The following YEATS4 variants were observed in gnomAD, a reference collection of about 807,000 sequenced individuals.
YEATS4 encodes the protein YEATS domain-containing protein 4.
Under a neutral mutation model 30.1 loss-of-function variants are expected in YEATS4, and 17 were observed. That is an observed-to-expected ratio of 0.56 (90% CI 0.39 to 0.85). The LOEUF (loss-of-function observed/expected upper bound fraction) is 0.85, where lower values mean the gene tolerates loss of function less well. Among genes scored for constraint, YEATS4 ranks in the 40% least tolerant of loss-of-function variants. YEATS4 has a pLI of 0.00. For synonymous variants in YEATS4, 85 were observed against 87.5 expected (o/e 0.97, Z 0.16); for missense variants, 142 against 268.3 (o/e 0.53, Z 3.29).
chr12:69,375,000 C>T (rs1231537543), intron 6 of YEATS4, among the ~76,000 whole-genome samples: 12 of 73,308 alleles, frequency 1.6e-4, no homozygotes, highest in South Asian at 3.0e-4. Flanking sequence ...GGCGGCCGGG[C>T]GGGGGCTGCC....
intron 6 of YEATS4, among the ~76,000 whole-genome samples, chr12:69,389,156 A>ATAT (rs1156959085): frequency 6.6e-6 from 1 of 152,102 alleles, no homozygotes; most frequent in Non-Finnish European, 1.5e-5. Context: ...TTTTGTTTAT[A>ATAT]AGTTTCACCT....
intron 6 of YEATS4, among the ~76,000 whole-genome samples, chr12:69,377,009 C>A (rs1875899399): frequency 6.6e-6 from 1 of 152,174 alleles, no homozygotes; most frequent in Non-Finnish European, 1.5e-5. Flanking sequence ...ATAGTGGCCA[C>A]TAATGATCCT....
chr12:69,389,585 C>T (rs1490856188), intron 6 of YEATS4, among the ~76,000 whole-genome samples: 3 of 143,194 alleles, frequency 2.1e-5, no homozygotes, highest in African/African-American at 5.3e-5. Flanking sequence ...GTCATCTCAG[C>T]TCACTGCAAC....
the YEATS4 span, among the ~76,000 whole-genome samples, chr12:69,417,151 A>T: frequency 0.022 from 2,776 of 123,404 alleles, 55 homozygotes; most frequent in African/African-American, 0.035. Context: ...ACATTTTTTA[A>T]AAATTTTTTT....
At chr12:69,402,858 G>A in the YEATS4 span, among the ~76,000 whole-genome samples, 4 of 151,514 alleles carry the variant, frequency 2.6e-5, no homozygotes, top group African/African-American at 9.7e-5. Flanking sequence ...GAGTAGCTGG[G>A]ATTACAGGCA....
At chr12:69,415,438 G>A in the YEATS4 span, among the ~76,000 whole-genome samples, 1 of 152,138 alleles carries the variant, frequency 6.6e-6, no homozygotes, top group African/African-American at 2.4e-5. Flanking sequence ...AGCCGAGTAT[G>A]GTGGTGGGCA....
At chr12:69,413,509 C>CG in the YEATS4 span, among the ~76,000 whole-genome samples, 2 of 75,748 alleles carry the variant, frequency 2.6e-5, no homozygotes, top group Non-Finnish European at 5.8e-5. Context: ...GGGTCTTCAA[C>CG]GCCCCCCCCA....
At chr12:69,400,019 G>A in the YEATS4 span, among the ~76,000 whole-genome samples, 1 of 152,064 alleles carries the variant, frequency 6.6e-6, no homozygotes, top group Non-Finnish European at 1.5e-5. Context: ...TTTTTACGTG[G>A]CGGTGATGGA....
the YEATS4 span, among the ~76,000 whole-genome samples, chr12:69,424,695 T>G: frequency 6.6e-6 from 1 of 152,084 alleles, no homozygotes; most frequent in African/African-American, 2.4e-5. Flanking sequence ...TCTTTCCCCT[T>G]CGCTCTCCCT....
chr12:69,399,978 G>A, the YEATS4 span, among the ~76,000 whole-genome samples: 1 of 152,224 alleles, frequency 6.6e-6, no homozygotes, highest in Non-Finnish European at 1.5e-5. Flanking sequence ...GGGTGGGGAA[G>A]GGAGGATGGG....
At position 69,380,782 on chromosome 12, in the gene YEATS4, C is replaced by A. The variant is rs558401049; in HGVS notation, c.515-9365C>A. 5.4e-3 allele frequency among the ~76,000 whole-genome samples: 821 copies of A among 152,140 alleles called. 3 individuals are homozygous for A. Among genetic ancestry groups the A allele is most frequent in the Non-Finnish European group, 8.4e-3 (572 of 68,020 alleles). Reference sequence around the variant, plus strand: ...GTCTGAGAAATAAAGGGACAGAGTACAAAAGAGAGAAATTTTAAAGCTGGG... The same window carrying A: ...GTCTGAGAAATAAAGGGACAGAGTAAAAAAGAGAGAAATTTTAAAGCTGGG... On this transcript the variant is annotated intron_variant, in intron 6 of 6. Transcript: ENST00000247843.
chr12:69,413,858 A>G, the YEATS4 span, among the ~76,000 whole-genome samples: 14 of 149,090 alleles, frequency 9.4e-5, no homozygotes, highest in East Asian at 2.2e-3. Flanking sequence ...TCAAAAAAAA[A>G]AAAAAGAAAA....
the YEATS4 span, among the ~76,000 whole-genome samples, chr12:69,418,708 C>T: frequency 5.3e-5 from 8 of 152,068 alleles, no homozygotes; most frequent in Non-Finnish European, 1.2e-4. Flanking sequence ...TCATACCAAA[C>T]TAAAGCCTAC....
downstream of YEATS4, among the ~76,000 whole-genome samples, chr12:69,392,738 G>T (rs1471873570): frequency 6.6e-6 from 1 of 152,160 alleles, no homozygotes; most frequent in Non-Finnish European, 1.5e-5. Context: ...AGGAACTATA[G>T]CTTGGTGTTG....
At chr12:69,390,888 A>G (rs1868310031), downstream of YEATS4, 2 of 152,242 alleles carry the variant, frequency 1.3e-5, no homozygotes, top group Non-Finnish European at 2.9e-5. Context: ...GTGACATCAC[A>G]TCTCTTATTG....
intron 2 of YEATS4, among the ~76,000 whole-genome samples, chr12:69,363,999 T>A (rs971661149): frequency 6.6e-6 from 1 of 152,240 alleles, no homozygotes; most frequent in African/African-American, 2.4e-5. Flanking sequence ...ATATGAAATG[T>A]CCAGAAGGGG....
At chr12:69,385,175 G>T (rs1876222133) in intron 6 of YEATS4, among the ~76,000 whole-genome samples, 1 of 125,754 alleles carries the variant, frequency 8.0e-6, no homozygotes, top group South Asian at 2.5e-4. Context: ...CACCATGTCT[G>T]GCTAATTTTT....
the YEATS4 span, among the ~76,000 whole-genome samples, chr12:69,411,459 G>T: frequency 2.4e-3 from 373 of 152,290 alleles, 2 homozygotes; most frequent in Middle Eastern, 0.01. Flanking sequence ...TTGTGAATAT[G>T]TCAGCAAATA....
chr12:69,408,388 G>A, the YEATS4 span, among the ~76,000 whole-genome samples: 35 of 152,228 alleles, frequency 2.3e-4, no homozygotes, highest in African/African-American at 8.0e-4. Flanking sequence ...TGCTTTGCTT[G>A]CTGTAGGTTG....
Sources: allele counts gnomAD v4.1 joint callset (sites outside exome capture counted in the v4.1 genomes callset), GRCh38; gene constraint gnomAD v4.1.1; transcripts MANE v1.5; gene names NCBI Gene and HGNC (gene_info 2026-07-23, HGNC 2026-07-21).